HDAC9: variants seen among roughly 807,000 people sequenced by gnomAD.
The protein encoded by HDAC9 is MEF-2 interacting transcription repressor (MITR) protein.
In HDAC9, 41 loss-of-function variants were observed where a neutral mutation model predicts 139.4. That is an observed-to-expected ratio of 0.29 (90% CI 0.23 to 0.38). The LOEUF is 0.38. Ranked by LOEUF, HDAC9 falls within the 10% of genes least tolerant of loss-of-function variation. The probability of loss-of-function intolerance (pLI) is 1.00; values close to 1 mark genes in which losing one functional copy is unlikely to be tolerated. For synonymous variants in HDAC9, 517 were observed against 476.2 expected, an observed-to-expected ratio of 1.09 and a Z score of -1.12; for missense variants, 1,147 against 1,297.0, an observed-to-expected ratio of 0.88 and a Z score of 1.78.
chr7:18,693,355 A>G (rs1460071970), intron 12 of HDAC9, among the ~76,000 whole-genome samples: 1 of 152,204 alleles, frequency 6.6e-6, no homozygotes, highest in Non-Finnish European at 1.5e-5. Flanking sequence ...TTAGATACAG[A>G]AAATGTCCTT....
intron 2 of HDAC9, among the ~76,000 whole-genome samples, chr7:18,270,044 A>G (rs927305846): frequency 2.0e-5 from 3 of 152,106 alleles, no homozygotes; most frequent in Non-Finnish European, 4.4e-5. Context: ...AGGTACAGTC[A>G]TATCCCTGGC....
chr7:18,244,095 A>G lies in HDAC9; in HGVS notation c.25+81746A>G, dbSNP rs917000267. 5.0e-4 allele frequency among the ~76,000 whole-genome samples: 76 copies of G among 152,322 alleles called. 2 individuals carry two copies. Among genetic ancestry groups the G allele is most frequent in the Non-Finnish European group, 8.8e-5 (6 of 68,030 alleles). ...TCTTTCTTTTTTGAGGCAAGAGCTC[A>G]AAAGTAAGTTTTTAAAATAAAACGA... On this transcript the variant is annotated intron_variant, in intron 2 of 12. Transcript: ENST00000417496.
chr7:18,160,659 C>A (rs534748855), intron 1 of HDAC9, among the ~76,000 whole-genome samples: 1 of 152,116 alleles, frequency 6.6e-6, no homozygotes, highest in South Asian at 2.1e-4. Flanking sequence ...TTTTGTTGCC[C>A]AGGCTGGAGT....
intron 1 of HDAC9, among the ~76,000 whole-genome samples, chr7:18,097,501 G>A (rs904865593): frequency 7.0e-6 from 1 of 142,600 alleles, no homozygotes; most frequent in Non-Finnish European, 1.5e-5. Context: ...GTTATCTTGC[G>A]TTTGCTTGTC....
intron 9 of HDAC9, among the ~76,000 whole-genome samples, chr7:18,646,156 T>TC (rs1227853317): frequency 6.6e-5 from 10 of 152,156 alleles, no homozygotes; most frequent in African/African-American, 2.4e-4. Context: ...CTTCTCTATT[T>TC]CCTGTCTCTT....
chr7:18,967,496 GCC>G (rs144020619), intron 24 of HDAC9, among the ~76,000 whole-genome samples: 1 of 104,782 alleles, frequency 9.5e-6, no homozygotes, highest in African/African-American at 4.0e-5. Context: ...AAATAAAGTT[GCC>G]CCCCCCCCAA....
chr7:18,097,046 C>T (rs573014092), intron 1 of HDAC9, among the ~76,000 whole-genome samples: 8 of 152,258 alleles, frequency 5.3e-5, no homozygotes, highest in African/African-American at 1.9e-4. Flanking sequence ...TCTGCAACAT[C>T]ATAGCCACTA....
intron 1 of HDAC9, among the ~76,000 whole-genome samples, chr7:18,143,084 C>A (rs1049704358): frequency 1.5e-4 from 23 of 152,158 alleles, no homozygotes; most frequent in Admixed American, 2.6e-4. Context: ...AACTCCATCC[C>A]CTGCTGCTTC....
At chr7:18,882,288 C>T (rs1019190833) in intron 22 of HDAC9, among the ~76,000 whole-genome samples, 2 of 152,008 alleles carry the variant, frequency 1.3e-5, no homozygotes, top group Non-Finnish European at 2.9e-5. Context: ...TTTTAATTAA[C>T]AAAACCTTGT....
chr7:18,299,293 A>G (rs1185986563), intron 1 of HDAC9, among the ~76,000 whole-genome samples: 1 of 151,958 alleles, frequency 6.6e-6, no homozygotes, highest in Admixed American at 6.6e-5. Context: ...CCTACTTAGA[A>G]AAGTTCTGAT....
At chr7:18,338,839 ATT>A (rs1367411179) in intron 1 of HDAC9, among the ~76,000 whole-genome samples, 2 of 151,480 alleles carry the variant, frequency 1.3e-5, no homozygotes, top group African/African-American at 4.8e-5. Flanking sequence ...AATTGGCATT[ATT>A]ATTATTTTTT....
At chr7:18,366,822 A>C (rs1292654985) in intron 1 of HDAC9, among the ~76,000 whole-genome samples, 1 of 152,036 alleles carries the variant, frequency 6.6e-6, no homozygotes, top group Admixed American at 6.6e-5. Context: ...TGACTCTCCT[A>C]TTTTTATGTA....
chr7:18,325,453 G>C (rs1800363853), intron 1 of HDAC9: 1 of 151,968 alleles, frequency 6.6e-6, no homozygotes, highest in Non-Finnish European at 1.5e-5. Flanking sequence ...GTTCCATATA[G>C]TCACCACAAT....
chr7:18,727,485 T>A, intron 12 of HDAC9, 95 bp from the exon 13 acceptor site: 1 of 1,025,890 alleles, frequency 9.7e-7, no homozygotes, highest in East Asian at 2.8e-5. Flanking sequence ...ATTATGTCTC[T>A]GACCTGATGA....
At chr7:18,728,298 G>C (rs948847627) in intron 13 of HDAC9, among the ~76,000 whole-genome samples, 3 of 151,594 alleles carry the variant, frequency 2.0e-5, no homozygotes, top group Non-Finnish European at 4.4e-5. Flanking sequence ...TGGGCTTTTC[G>C]ACCAACCTCT....
At chr7:18,768,302 T>C (rs1449262940) in intron 16 of HDAC9, among the ~76,000 whole-genome samples, 4 of 151,920 alleles carry the variant, frequency 2.6e-5, no homozygotes, top group African/African-American at 9.7e-5. Context: ...TGTCGAGGAG[T>C]TCCAAAAGAG....
chr7:18,197,613 A>G (rs1208531976), intron 2 of HDAC9, among the ~76,000 whole-genome samples: 1 of 152,136 alleles, frequency 6.6e-6, no homozygotes, highest in Non-Finnish European at 1.5e-5. Flanking sequence ...GAGGTTCTTC[A>G]GGTGGGAATT....
chr7:18,271,370 G>C (rs1796337703), intron 2 of HDAC9, among the ~76,000 whole-genome samples: 1 of 152,132 alleles, frequency 6.6e-6, no homozygotes, highest in South Asian at 2.1e-4. Flanking sequence ...GCACACATTA[G>C]ATACATACAT....
At chr7:18,536,523 G>T (rs746203311) in intron 2 of HDAC9, among the ~76,000 whole-genome samples, 10 of 152,140 alleles carry the variant, frequency 6.6e-5, no homozygotes, top group Non-Finnish European at 1.3e-4. Context: ...ATTCAGTGAG[G>T]AAACATTCAG....
Sources: gnomAD v4.1 joint callset for allele counts (sites outside exome capture counted in the v4.1 genomes callset) on GRCh38, gnomAD v4.1.1 for gene constraint, MANE v1.5 for transcripts, NCBI Gene and HGNC (gene_info 2026-07-23, HGNC 2026-07-21) for gene names.